Variants in CTXND1 observed in about 807,000 individuals in gnomAD.
CTXND1 encodes cortexin domain containing 1.
chr15:80,240,929 G>A (rs1461220830), intron 1 of CTXND1, among the ~76,000 whole-genome samples: 1 of 152,184 alleles, frequency 6.6e-6, no homozygotes, highest in Non-Finnish European at 1.5e-5. Context: ...CCTGCTCTGT[G>A]CCAGGCTGTG....
intron 1 of CTXND1, among the ~76,000 whole-genome samples, chr15:80,212,862 T>C (rs531622031): frequency 6.6e-6 from 1 of 152,246 alleles, no homozygotes; most frequent in Non-Finnish European, 1.5e-5. Context: ...TAAAAATATG[T>C]GCTACCCTTC....
chr15:80,241,067 C>G (rs1311018070), intron 1 of CTXND1, among the ~76,000 whole-genome samples: 1 of 152,154 alleles, frequency 6.6e-6, no homozygotes, highest in Non-Finnish European at 1.5e-5. Context: ...CTCATTGCAC[C>G]CTCACCTTCC....
intron 1 of CTXND1, among the ~76,000 whole-genome samples, chr15:80,232,350 C>T (rs1004326499): frequency 6.6e-6 from 1 of 152,124 alleles, no homozygotes; most frequent in African/African-American, 2.4e-5. Context: ...AGACTCGTGG[C>T]CAAAGAAATG....
chr15:80,238,628 G>A (rs1275474274), intron 1 of CTXND1, among the ~76,000 whole-genome samples: 1 of 152,006 alleles, frequency 6.6e-6, no homozygotes, highest in Admixed American at 6.6e-5. Context: ...AGGACTACAG[G>A]TGCCCGCCTC....
intron 1 of CTXND1, among the ~76,000 whole-genome samples, chr15:80,207,276 T>A (rs1893156592): frequency 6.6e-6 from 1 of 150,812 alleles, no homozygotes; most frequent in South Asian, 2.1e-4. Flanking sequence ...ATTTTATTTG[T>A]TATGCTTTTT....
rs200164629 is a variant in CTXND1 at position 80,204,453 on chromosome 15, C to T, written c.-217-713G>A. Among the ~76,000 whole-genome samples the T allele has an allele frequency of 7.7e-4, 116 of 151,100 alleles. 1 individual carries two copies. In the East Asian group the frequency reaches 0.022, roughly 29 times the overall value. ...CCATAACTCCCCATTCCCCTTCCCCCAGCCCGGGGCGGCCACCATTCTACT... is the reference window on the plus strand; with the variant it reads ...CCATAACTCCCCATTCCCCTTCCCCTAGCCCGGGGCGGCCACCATTCTACT... On this transcript the variant is annotated intron_variant, in intron 1 of 2. Transcript: ENST00000560778.
rs569815329 is a variant in CTXND1, at chr15:80,215,987, A to G, written c.-217-12247T>C. On this transcript the variant is annotated intron_variant, in intron 1 of 2. Coordinates refer to ENST00000560778, the MANE Select transcript of CTXND1 (RefSeq NM_001352888.2). ...TGCGGCCTCTCCCCAGCATCTTCCA[A>G]GGTCTGCTCATTAGTAGTTTTTCTC... Among the ~76,000 whole-genome samples the G allele has an allele frequency of 2.6e-5, 4 of 152,304 alleles. No individual in the cohort carries two copies. The East Asian group carries it at 7.7e-4, about 29-fold the overall frequency.
At chr15:80,209,027 A>G (rs1297175340) in intron 1 of CTXND1, among the ~76,000 whole-genome samples, 1 of 152,218 alleles carries the variant, frequency 6.6e-6, no homozygotes, top group Non-Finnish European at 1.5e-5. Flanking sequence ...CCTTAAGATA[A>G]TATCAGATAA....
At chr15:80,218,782 C>T (rs1166770842) in intron 1 of CTXND1, among the ~76,000 whole-genome samples, 3 of 151,960 alleles carry the variant, frequency 2.0e-5, no homozygotes, top group Non-Finnish European at 4.4e-5. Context: ...TAAGCGAAGC[C>T]CAGTATGTAT....
chr15:80,236,781 T>TAAAAA (rs375195033), intron 1 of CTXND1, among the ~76,000 whole-genome samples: 51 of 141,254 alleles, frequency 3.6e-4, no homozygotes, highest in East Asian at 1.0e-3. Flanking sequence ...GGACTCGGTC[T>TAAAAA]AAAAAAAAAA....
At chr15:80,230,885 C>G (rs7170527) in intron 1 of CTXND1, among the ~76,000 whole-genome samples, 25,969 of 151,836 alleles carry the variant, frequency 0.17, 2,689 homozygotes, top group East Asian at 0.39. Flanking sequence ...TGTTGAAACC[C>G]CATCTCTACT....
intron 1 of CTXND1, among the ~76,000 whole-genome samples, chr15:80,233,571 A>G (rs896630880): frequency 2.0e-5 from 3 of 152,044 alleles, no homozygotes; most frequent in Non-Finnish European, 4.4e-5. Flanking sequence ...ACATCACAGA[A>G]TGACCAAGTC....
At chr15:80,243,321 C>A (rs1348480950) in intron 1 of CTXND1, among the ~76,000 whole-genome samples, 1 of 152,220 alleles carries the variant, frequency 6.6e-6, no homozygotes, top group Non-Finnish European at 1.5e-5. Context: ...AGTGGCTACT[C>A]TAATGGGCAT....
chr15:80,206,939 T>C (rs1275103613), intron 1 of CTXND1, among the ~76,000 whole-genome samples: 1 of 152,232 alleles, frequency 6.6e-6, no homozygotes, highest in African/African-American at 2.4e-5. Context: ...TGGCTGTAGA[T>C]TGTTGTCTAC....
chr15:80,220,099 C>CATCTATCT lies in CTXND1; in HGVS notation c.-217-16367_-217-16360dup, dbSNP rs3974511. On this transcript the variant is annotated intron_variant, in intron 1 of 2. Transcript: ENST00000560778. ...CCTGTCCTGATGTCAAATATACTCT[C>CATCTATCT]ATCTATCTATCTATCTATCTATCTA... Among the ~76,000 whole-genome samples, 654 of 146,690 alleles carry CATCTATCT rather than the reference C, an allele frequency of 4.5e-3. 6 individuals carry two copies. Among genetic ancestry groups the CATCTATCT allele is most frequent in the Admixed American group, 8.3e-3 (121 of 14,520 alleles).
In CTXND1 at chr15:80,240,091, G is replaced by A. The variant is rs150894649; in HGVS notation, c.-218+11916C>T. On this transcript the variant is annotated intron_variant, in intron 1 of 2. Transcript: ENST00000560778. ...AGTGATTCTCCTGCCTCAGCCTCCC[G>A]AGTAGCTGGGATTACGGACATGCAC... 4.0e-3 allele frequency among the ~76,000 whole-genome samples: 612 copies of A among 152,182 alleles called. 2 individuals are homozygous for A. Among genetic ancestry groups the A allele is most frequent in the African/African-American group, 0.014 (595 of 41,516 alleles).
chr15:80,239,290 C>T (rs974336230), intron 1 of CTXND1, among the ~76,000 whole-genome samples: 1 of 152,190 alleles, frequency 6.6e-6, no homozygotes, highest in Non-Finnish European at 1.5e-5. Flanking sequence ...CCACCCACCC[C>T]AAATGGCTGC....
At position 80,196,440 on chromosome 15, in the gene CTXND1, T is replaced by C. The variant is rs2041420847; in HGVS notation, c.*5330A>G. 1 of 152,136 alleles carries C rather than the reference T, an allele frequency of 6.6e-6. No homozygotes were observed. Among genetic ancestry groups the C allele is most frequent in the South Asian group, 2.1e-4 (1 of 4,828 alleles). 9.4% of individuals were successfully genotyped at this position (152,136 alleles called of 1,614,324 possible). A position where few individuals can be genotyped will look rare whatever the true frequency, so the allele number is the denominator to read the frequency against. On this transcript the variant is annotated 3_prime_UTR_variant, in exon 3 of 3. Coordinates refer to ENST00000560778, the MANE Select transcript of CTXND1 (RefSeq NM_001352888.2). ...GCCAGAAAGTAGAGGGGCTATGGAATGGGTGGTGGGAGAACAAGACTGCAG... is the reference window on the plus strand; with the variant it reads ...GCCAGAAAGTAGAGGGGCTATGGAACGGGTGGTGGGAGAACAAGACTGCAG...
intron 1 of CTXND1, among the ~76,000 whole-genome samples, chr15:80,240,706 C>T (rs1893555225): frequency 6.6e-6 from 1 of 152,000 alleles, no homozygotes; most frequent in Non-Finnish European, 1.5e-5. Context: ...AATGCATCTG[C>T]TTATTGGAGA....
Sources: allele counts gnomAD v4.1 joint callset (sites outside exome capture counted in the v4.1 genomes callset), GRCh38; gene constraint gnomAD v4.1.1; transcripts MANE v1.5; gene names NCBI Gene and HGNC (gene_info 2026-07-23, HGNC 2026-07-21).